The following FUT8 variants were observed in gnomAD, a reference collection of about 807,000 sequenced individuals.
FUT8 encodes the protein fucosyltransferase 8, also known as alpha-(1,6)-fucosyltransferase.
Under a neutral mutation model 71.3 loss-of-function variants are expected in FUT8, and 29 were observed. The observed-to-expected ratio is 0.41, with a 90% CI of 0.30 to 0.55. FUT8 has a LOEUF of 0.55. Ranked by LOEUF, FUT8 falls within the 20% of genes least tolerant of loss-of-function variation. The probability of loss-of-function intolerance (pLI) is 0.34; values close to 1 mark genes in which losing one functional copy is unlikely to be tolerated. For missense variants in FUT8, 544 were observed against 702.1 expected (o/e 0.77, Z 2.55); for synonymous variants, 254 against 239.3 (o/e 1.06, Z -0.57).
chr14:65,643,664 ATACACACACACACAC>A lies in FUT8; in HGVS notation c.597+14059_597+14073del, dbSNP rs1429861158. On this transcript the variant is annotated intron_variant, in intron 6 of 10. Coordinates refer to ENST00000673929, the MANE Select transcript of FUT8 (RefSeq NM_001371533.1). The surrounding 1 kb of genome is among the most constrained non-coding windows in gnomAD (Gnocchi z 4.5). ...GCGAGACTCCGTCTTTAAAAAAAAA[ATACACACACACACAC>A]ACACACACACACACACACACACACA... Among the ~76,000 whole-genome samples the A allele has an allele frequency of 1.2e-5, 1 of 82,352 alleles. No homozygotes were observed. Among genetic ancestry groups the A allele is most frequent in the Non-Finnish European group, 2.9e-5 (1 of 34,938 alleles). The allele number at this position is 82,352 out of a possible 152,430, so 54.0% of individuals were successfully genotyped here.
At chr14:65,367,249 TGAG>T in the FUT8 span, among the ~76,000 whole-genome samples, 2 of 152,216 alleles carry the variant, frequency 1.3e-5, no homozygotes, top group Non-Finnish European at 2.9e-5. Context: ...CATTAATTTA[TGAG>T]GAGGATAAGA....
chr14:65,737,421 G>A lies in FUT8; in HGVS notation c.1410+4040G>A, dbSNP rs74056816. 7.8e-3 allele frequency among the ~76,000 whole-genome samples: 1,191 copies of A among 152,138 alleles called. 9 individuals are homozygous for A. The highest frequency in any genetic ancestry group is 0.024 in the African/African-American group (986 of 41,518). On this transcript the variant is annotated intron_variant, in intron 10 of 10. Coordinates refer to ENST00000673929, the MANE Select transcript of FUT8 (RefSeq NM_001371533.1). ...AAGCTATGCAACTACATTCTAAAAC[G>A]TTCTACCAAATACATTAATCCTATT...
At chr14:65,545,736 C>G (rs1369717095) in intron 2 of FUT8, among the ~76,000 whole-genome samples, 1 of 151,508 alleles carries the variant, frequency 6.6e-6, no homozygotes, top group Non-Finnish European at 1.5e-5. Flanking sequence ...TATGATGATT[C>G]CTTTTATTCT....
rs185750308 is a variant in FUT8, at chr14:65,700,166, C to G, written c.836-21609C>G. 3.3e-5 allele frequency among the ~76,000 whole-genome samples: 5 copies of G among 152,208 alleles called. No homozygotes were observed. The East Asian group carries it at 7.7e-4, about 23-fold the overall frequency. The stretch of plus-strand genomic sequence containing the variant: ...TTTTGGGTTATATCACTGATTCATT[C>G]CATTCACTACTCTGATTAACAGTGA... On this transcript the variant is annotated intron_variant, in intron 7 of 10. Transcript: ENST00000673929.
chr14:65,560,779 A>G (rs981690516), intron 2 of FUT8, among the ~76,000 whole-genome samples: 8 of 152,178 alleles, frequency 5.3e-5, no homozygotes, highest in African/African-American at 1.7e-4. Context: ...GTTAATGGCT[A>G]TGATAACCTT....
At chr14:65,443,887 T>C (rs1479006375) in intron 1 of FUT8, among the ~76,000 whole-genome samples, 1 of 152,232 alleles carries the variant, frequency 6.6e-6, no homozygotes, top group Non-Finnish European at 1.5e-5. Flanking sequence ...GTTACATTTA[T>C]GTTATTTTGT....
At chr14:65,614,175 C>G (rs1161452345) in intron 3 of FUT8, among the ~76,000 whole-genome samples, 3 of 150,388 alleles carry the variant, frequency 2.0e-5, no homozygotes, top group African/African-American at 7.3e-5. Context: ...TAATTTAAAA[C>G]TTAAGTTCCC....
chr14:65,442,264 C>T (rs1393471088), intron 1 of FUT8, among the ~76,000 whole-genome samples: 5 of 151,758 alleles, frequency 3.3e-5, no homozygotes, highest in African/African-American at 1.2e-4. Context: ...CAGTCTCCAC[C>T]TTCCGGGTTC....
chr14:65,654,065 T>C (rs967999818), intron 6 of FUT8, among the ~76,000 whole-genome samples: 4 of 152,204 alleles, frequency 2.6e-5, no homozygotes, highest in Admixed American at 2.6e-4. Context: ...TGCCTAATCT[T>C]CTCCTGTTGA....
intron 2 of FUT8, chr14:65,471,154 A>G (rs1012766518): frequency 1.6e-5 from 5 of 313,876 alleles, no homozygotes; most frequent in Non-Finnish European, 2.5e-5. Flanking sequence ...AGATCTCAGG[A>G]CTATAGAACT....
chr14:65,570,258 C>T (rs1886398629), intron 3 of FUT8, among the ~76,000 whole-genome samples: 1 of 152,072 alleles, frequency 6.6e-6, no homozygotes, highest in Non-Finnish European at 1.5e-5. Flanking sequence ...CAAATTTTCA[C>T]ACCACTCTTC....
At chr14:65,701,276 A>G (rs950152060) in intron 7 of FUT8, among the ~76,000 whole-genome samples, 1 of 152,222 alleles carries the variant, frequency 6.6e-6, no homozygotes, top group Non-Finnish European at 1.5e-5. Context: ...TAAGAAATTA[A>G]AGGAGGAAAT....
intron 2 of FUT8, among the ~76,000 whole-genome samples, chr14:65,548,908 C>T (rs1001261519): frequency 4.6e-5 from 7 of 151,902 alleles, no homozygotes; most frequent in Admixed American, 1.3e-4. Context: ...AAAAAATGGG[C>T]GAAAGATCTC....
chr14:65,655,925 A>G (rs561142925), intron 6 of FUT8, among the ~76,000 whole-genome samples: 1 of 152,310 alleles, frequency 6.6e-6, no homozygotes, highest in South Asian at 2.1e-4. Context: ...CATGATAAAA[A>G]CCCTCAAAAA....
chr14:65,379,167 C>A, the FUT8 span, among the ~76,000 whole-genome samples: 1 of 151,832 alleles, frequency 6.6e-6, no homozygotes, highest in Non-Finnish European at 1.5e-5. Flanking sequence ...GCTTTTTAAA[C>A]AAATAAAAAT....
At chr14:65,427,863 ACTGATCTGC>A (rs2065413654) in intron 1 of FUT8, among the ~76,000 whole-genome samples, 1 of 152,150 alleles carries the variant, frequency 6.6e-6, no homozygotes, top group Non-Finnish European at 1.5e-5. Flanking sequence ...CCAGGCAACC[ACTGATCTGC>A]TTTTTGTCTC....
chr14:65,510,271 A>G (rs1197293677), intron 2 of FUT8, among the ~76,000 whole-genome samples: 1 of 152,134 alleles, frequency 6.6e-6, no homozygotes, highest in Non-Finnish European at 1.5e-5. Context: ...TGTCCCAGGG[A>G]TAAATCTCAC....
the FUT8 span, among the ~76,000 whole-genome samples, chr14:65,362,961 CAAAAAAAAAAA>C: frequency 2.9e-5 from 2 of 69,348 alleles, no homozygotes; most frequent in Non-Finnish European, 5.2e-5. Context: ...GACTCTGTTT[CAAAAAAAAAAA>C]AAAAAAAAAA....
At chr14:65,611,186 C>A (rs968328558) in intron 3 of FUT8, among the ~76,000 whole-genome samples, 2 of 10,294 alleles carry the variant, frequency 1.9e-4, no homozygotes, top group South Asian at 2.0e-3. Context: ...AAGTGTCATA[C>A]ACACACACAC....
Sources: gnomAD v4.1 joint callset for allele counts (sites outside exome capture counted in the v4.1 genomes callset) on GRCh38, gnomAD v4.1.1 for gene constraint, Gnocchi (gnomAD v3.1) non-coding constraint, MANE v1.5 for transcripts, NCBI Gene and HGNC (gene_info 2026-07-23, HGNC 2026-07-21) for gene names.